SGCZ: variants seen among roughly 807,000 people sequenced by gnomAD.
SGCZ encodes the protein sarcoglycan zeta.
In SGCZ, 40 loss-of-function variants were observed where a neutral mutation model predicts 41.3. The ratio of observed to expected loss-of-function variants is 0.97; its 90% confidence interval spans 0.75 to 1.26. SGCZ has a LOEUF of 1.26. SGCZ is among the 50% of genes most tolerant of loss of function. The probability of loss-of-function intolerance (pLI) is 0.00; values close to 1 mark genes in which losing one functional copy is unlikely to be tolerated. For synonymous variants in SGCZ, 206 were observed against 137.5 expected, an observed-to-expected ratio of 1.50 and a Z score of -3.49; for missense variants, 552 against 369.8, an observed-to-expected ratio of 1.49 and a Z score of -4.04.
intron 1 of SGCZ, among the ~76,000 whole-genome samples, chr8:14,601,041 A>C (rs976643629): frequency 6.7e-5 from 10 of 150,044 alleles, no homozygotes; most frequent in African/African-American, 2.4e-4. Flanking sequence ...AATATATTTT[A>C]TACATTTTAT....
intron 1 of SGCZ, among the ~76,000 whole-genome samples, chr8:15,032,540 C>A (rs575475330): frequency 1.3e-5 from 2 of 152,236 alleles, no homozygotes; most frequent in South Asian, 2.1e-4. Context: ...CAGGTCCACC[C>A]TGGTAGACCT....
intron 3 of SGCZ, among the ~76,000 whole-genome samples, chr8:14,260,998 G>C (rs1324317092): frequency 1.3e-5 from 2 of 152,116 alleles, no homozygotes; most frequent in African/African-American, 2.4e-5. Flanking sequence ...CCTAACGCTA[G>C]ATGACGAGTT....
chr8:14,885,864 G>A (rs1377235396), intron 1 of SGCZ, among the ~76,000 whole-genome samples: 2 of 151,126 alleles, frequency 1.3e-5, no homozygotes, highest in Non-Finnish European at 3.0e-5. Flanking sequence ...GAGAATTTGG[G>A]AAGAACATGA....
At chr8:14,616,129 A>T (rs1267961767) in intron 1 of SGCZ, among the ~76,000 whole-genome samples, 1 of 152,162 alleles carries the variant, frequency 6.6e-6, no homozygotes, top group Non-Finnish European at 1.5e-5. Flanking sequence ...TAAAAAATAC[A>T]AAATTTAGCC....
In SGCZ at chr8:14,086,823, A is replaced by G. The variant is rs1801535229; in HGVS notation, c.*3620T>C. ...AAGCAGCTTTTTAAGGTGCAGAAGG[A>G]GATCACAAATGCTAGTTCAGATATG... On this transcript the variant is annotated 3_prime_UTR_variant, in exon 8 of 8. Coordinates refer to ENST00000382080, the MANE Select transcript of SGCZ (RefSeq NM_139167.4). Among the ~76,000 whole-genome samples, 2 of 151,730 alleles carry G rather than the reference A, an allele frequency of 1.3e-5. No homozygotes were observed. The highest frequency in any genetic ancestry group is 4.8e-5 in the African/African-American group (2 of 41,390).
intron 2 of SGCZ, among the ~76,000 whole-genome samples, chr8:14,494,516 T>G (rs142602772): frequency 6.6e-6 from 1 of 151,980 alleles, no homozygotes; most frequent in African/African-American, 2.4e-5. Context: ...CATACACACA[T>G]GCACACACAC....
intron 7 of SGCZ, among the ~76,000 whole-genome samples, chr8:14,094,160 T>C (rs541800377): frequency 1.3e-5 from 2 of 152,156 alleles, no homozygotes; most frequent in Non-Finnish European, 2.9e-5. Context: ...TTTTTAACTA[T>C]ACTTTAATTT....
intron 1 of SGCZ, among the ~76,000 whole-genome samples, chr8:14,626,675 G>C (rs1806466135): frequency 6.6e-6 from 1 of 152,088 alleles, no homozygotes. Flanking sequence ...ATCATGAAAA[G>C]ATTGGAGCTT....
intron 1 of SGCZ, among the ~76,000 whole-genome samples, chr8:14,729,651 T>TCAAA (rs1810167287): frequency 7.8e-6 from 1 of 128,180 alleles, no homozygotes; most frequent in African/African-American, 4.3e-5. Context: ...TAAAAATCAA[T>TCAAA]CAATCAATCA....
intron 2 of SGCZ, among the ~76,000 whole-genome samples, chr8:14,443,926 A>T (rs2117378139): frequency 6.6e-6 from 1 of 152,334 alleles, no homozygotes; most frequent in South Asian, 2.1e-4. Context: ...ACAAAGGGCT[A>T]ATATCCAGAA....
At chr8:14,524,393 G>T (rs1439813105) in intron 2 of SGCZ, among the ~76,000 whole-genome samples, 6 of 151,946 alleles carry the variant, frequency 3.9e-5, no homozygotes, top group African/African-American at 1.5e-4. Flanking sequence ...GGTCTCCAGT[G>T]ACAGCTTCCT....
In SGCZ at chr8:15,062,389, A is replaced by G. The variant is rs141015954; in HGVS notation, c.39+175196T>C. Among the ~76,000 whole-genome samples the G allele has an allele frequency of 5.5e-4, 83 of 152,268 alleles. 2 individuals are homozygous for G. Among genetic ancestry groups the G allele is most frequent in the African/African-American group, 2.0e-3 (83 of 41,570 alleles). ...AAAATTTAAGACTTATAACCAAACT[A>G]CTAACTAAAGTAGGTTTTCGTCTGT... On this transcript the variant is annotated intron_variant, in intron 1 of 7. Coordinates refer to ENST00000382080, the MANE Select transcript of SGCZ (RefSeq NM_139167.4).
chr8:14,957,877 A>G (rs2130846453), intron 1 of SGCZ, among the ~76,000 whole-genome samples: 1 of 152,192 alleles, frequency 6.6e-6, no homozygotes, highest in South Asian at 2.1e-4. Context: ...ACGTAAGTAA[A>G]TGTTCATTCA....
chr8:14,654,493 C>A (rs1192194958), intron 1 of SGCZ, among the ~76,000 whole-genome samples: 1 of 152,014 alleles, frequency 6.6e-6, no homozygotes, highest in East Asian at 1.9e-4. Flanking sequence ...TAGAAAATTG[C>A]CAATATGTAG....
At chr8:14,599,706 T>C (rs1805526141) in intron 1 of SGCZ, among the ~76,000 whole-genome samples, 1 of 152,166 alleles carries the variant, frequency 6.6e-6, no homozygotes. Context: ...TGAACACGTG[T>C]CCCTCTCTAA....
At chr8:14,760,635 C>T (rs1045104872) in intron 1 of SGCZ, among the ~76,000 whole-genome samples, 1 of 152,118 alleles carries the variant, frequency 6.6e-6, no homozygotes, top group Non-Finnish European at 1.5e-5. Context: ...AAAAATTTAC[C>T]TCTGCAGCTA....
At chr8:14,662,651 G>A (rs1038982393) in intron 1 of SGCZ, among the ~76,000 whole-genome samples, 1 of 152,154 alleles carries the variant, frequency 6.6e-6, no homozygotes, top group Non-Finnish European at 1.5e-5. Flanking sequence ...ATCCCTGGAA[G>A]CTTTGAATTT....
chr8:14,593,813 C>T (rs1056460467), intron 1 of SGCZ, among the ~76,000 whole-genome samples: 1 of 152,128 alleles, frequency 6.6e-6, no homozygotes, highest in African/African-American at 2.4e-5. Flanking sequence ...TGAAAGGGTA[C>T]TTATTTGAGA....
Position 14,886,017 on chromosome 8 carries a change from ATATATATATATAT to A in SGCZ, c.40-331104_40-331092del, listed in dbSNP as rs1563339150. On this transcript the variant is annotated intron_variant, in intron 1 of 7. Coordinates refer to ENST00000382080, the MANE Select transcript of SGCZ (RefSeq NM_139167.4). ...TATATATATATATATATATATATAT[ATATATATATATAT>A]ATATAAAATTGTATACTTAGCTTTT... Among the ~76,000 whole-genome samples, 406 of 122,088 alleles carry A rather than the reference ATATATATATATAT, an allele frequency of 3.3e-3. 4 individuals carry two copies. Among genetic ancestry groups the A allele is most frequent in the African/African-American group, 0.012 (389 of 32,538 alleles). 80.1% of individuals were successfully genotyped at this position (122,088 alleles called of 152,430 possible). A position where few individuals can be genotyped will look rare whatever the true frequency, so the allele number is the denominator to read the frequency against.
Sources: gnomAD v4.1 joint callset for allele counts (sites outside exome capture counted in the v4.1 genomes callset) on GRCh38, gnomAD v4.1.1 for gene constraint, MANE v1.5 for transcripts, NCBI Gene and HGNC (gene_info 2026-07-23, HGNC 2026-07-21) for gene names.